The following SLC2A3 variants were observed in gnomAD, a reference collection of about 807,000 sequenced individuals.
The protein encoded by SLC2A3 is solute carrier family 2, facilitated glucose transporter member 3.
A neutral mutation model predicts 46.4 loss-of-function variants in SLC2A3; 21 were observed. That is an observed-to-expected ratio of 0.45 (90% CI 0.32 to 0.65). SLC2A3 has a LOEUF of 0.65. SLC2A3 is among the 30% of genes least tolerant of loss of function. SLC2A3 has a pLI of 0.04. For synonymous variants in SLC2A3, 213 were observed against 239.4 expected (o/e 0.89, Z 1.02); for missense variants, 499 against 623.3 (o/e 0.80, Z 2.12).
chr12:7,925,742 C>T, intron 7 of SLC2A3, 102 bp downstream of exon 7: 2 of 933,932 alleles, frequency 2.1e-6, no homozygotes, highest in Non-Finnish European at 3.4e-6. Context: ...AATTAAGCAA[C>T]AAAAAGGTAA....
At chr12:7,925,334 C>A (rs1946083256) in intron 7 of SLC2A3, 1 of 152,866 alleles carries the variant, frequency 6.5e-6, no homozygotes, top group African/African-American at 2.4e-5. Context: ...GTAAAACAAC[C>A]TGGAGCTTGT....
chr12:7,930,287 C>T, intron 5 of SLC2A3, 193 bp downstream of exon 5: 1 of 608,210 alleles, frequency 1.6e-6, no homozygotes, highest in Non-Finnish European at 2.8e-6. Flanking sequence ...TGCCTGATAG[C>T]ATCCATTCCT....
Position 7,932,760 on chromosome 12 carries a change from C to T in SLC2A3, c.269+227G>A, listed in dbSNP as rs903658545. The T allele has an allele frequency of 1.3e-5, 7 of 545,826 alleles. No individual in the cohort carries two copies. The Admixed American group carries it at 1.9e-4, about 15-fold the overall frequency. The allele number at this position is 545,826 out of a possible 1,614,324, so 33.8% of individuals were successfully genotyped here. On this transcript the variant is annotated intron_variant, in intron 3 of 9. Coordinates refer to ENST00000075120, the MANE Select transcript of SLC2A3 (RefSeq NM_006931.3). Reference sequence around the variant, plus strand: ...ACTATCCCTAGCTGGACTGCAAAGGCCAATCACTCACAGTTCATCTCTTGC... The same window carrying T: ...ACTATCCCTAGCTGGACTGCAAAGGTCAATCACTCACAGTTCATCTCTTGC...
At chr12:7,933,621 CACTA>C (rs1479340351) in intron 2 of SLC2A3, 185 bp downstream of exon 2, 5 of 592,518 alleles carry the variant, frequency 8.4e-6, no homozygotes, top group East Asian at 2.9e-5. Context: ...GAGGGACCCT[CACTA>C]ACTGTGTTGC....
chr12:7,923,195 G>T (rs1946057001), intron 8 of SLC2A3, 171 bp from the exon 9 acceptor site: 1 of 685,936 alleles, frequency 1.5e-6, no homozygotes, highest in South Asian at 2.1e-5. Flanking sequence ...TTGAGACAGG[G>T]TCTTACTCTG....
chr12:7,929,615 C>T (rs1038132333), intron 6 of SLC2A3, 69 bp downstream of exon 6: 5 of 1,572,440 alleles, frequency 3.2e-6, no homozygotes, highest in African/African-American at 2.7e-5. Flanking sequence ...CAGAGGCACA[C>T]CGCCACCATG....
rs1696213119 is a variant in SLC2A3 at position 7,925,748 on chromosome 12, G to A, written c.966+96C>T. On this transcript the variant is annotated intron_variant, in intron 7 of 9. Coordinates refer to ENST00000075120, the MANE Select transcript of SLC2A3 (RefSeq NM_006931.3). Reference sequence around the variant, plus strand: ...CCAAAGGAAAATTAAGCAACAAAAAGGTAACTAAATGATGGTAGGGTCATG... The same window carrying A: ...CCAAAGGAAAATTAAGCAACAAAAAAGTAACTAAATGATGGTAGGGTCATG... 4 of 956,382 alleles carry A rather than the reference G, an allele frequency of 4.2e-6. No individual in the cohort carries two copies. The South Asian group carries it at 4.2e-5, about 10-fold the overall frequency. 59.2% of individuals were successfully genotyped at this position (956,382 alleles called of 1,614,324 possible).
chr12:7,926,368 G>A (rs1027716800), intron 6 of SLC2A3, among the ~76,000 whole-genome samples: 4 of 152,118 alleles, frequency 2.6e-5, no homozygotes, highest in African/African-American at 7.2e-5. Flanking sequence ...TAGGATTACA[G>A]GCATGAGCCA....
intron 3 of SLC2A3, chr12:7,932,599 A>G (rs1946168163): frequency 5.7e-6 from 1 of 174,936 alleles, no homozygotes; most frequent in Non-Finnish European, 1.2e-5. Context: ...CACATTTGCC[A>G]TAGACAAAAA....
At chr12:7,925,708 A>G in intron 7 of SLC2A3, 136 bp downstream of exon 7, 1 of 699,854 alleles carries the variant, frequency 1.4e-6, no homozygotes, top group Non-Finnish European at 2.5e-6. Flanking sequence ...CCAACATTAA[A>G]TTTATCTCTT....
intron 8 of SLC2A3, among the ~76,000 whole-genome samples, chr12:7,923,649 A>C (rs1011908056): frequency 2.6e-5 from 4 of 151,906 alleles, no homozygotes; most frequent in Admixed American, 1.3e-4. Flanking sequence ...TTGTAGAGAA[A>C]GTTTCTTGCC....
At chr12:7,932,670 G>A (rs952192838) in intron 3 of SLC2A3, 3 of 267,170 alleles carry the variant, frequency 1.1e-5, no homozygotes, top group Non-Finnish European at 2.1e-5. Flanking sequence ...AAACAACTTC[G>A]GACCTTGTAA....
At chr12:7,935,888 AGAC>A (rs924029478) in intron 1 of SLC2A3, 129 bp downstream of exon 1, 3 of 779,488 alleles carry the variant, frequency 3.8e-6, no homozygotes, top group Non-Finnish European at 4.6e-6. Flanking sequence ...TGCAGGCTAG[AGAC>A]GAAATGAAAA....
rs1421712644 is a variant in SLC2A3, at chr12:7,920,545, CA to C, written c.*867del. On this transcript the variant is annotated 3_prime_UTR_variant, in exon 10 of 10. Coordinates refer to ENST00000075120, the MANE Select transcript of SLC2A3 (RefSeq NM_006931.3). ...ACTATTATCTTAAAGAAAAAAGCTC[CA>C]AAGGAAATCAGTAGCTTTATTATAT... is the stretch of plus-strand genomic sequence containing the variant. The C allele has an allele frequency of 3.9e-5, 6 of 152,024 alleles. No homozygotes were observed. The highest frequency in any genetic ancestry group is 1.5e-4 in the African/African-American group (6 of 41,366). The allele number at this position is 152,024 out of a possible 1,614,324, so 9.4% of individuals were successfully genotyped here.
In SLC2A3 at chr12:7,919,668, C is replaced by T. The variant is rs1946015988; in HGVS notation, c.*1745G>A. 6.6e-6 allele frequency: 1 copy of T among 152,276 alleles called. No individual in the cohort carries two copies. The highest frequency in any genetic ancestry group is 2.1e-4 in the South Asian group (1 of 4,826). The allele number at this position is 152,276 out of a possible 1,614,324, so 9.4% of individuals were successfully genotyped here. ...AACCCCTGACCGCCCGCCTAGGCCT[C>T]CCAAAGTGCTGGGATTACAGGCGTG... On this transcript the variant is annotated 3_prime_UTR_variant, in exon 10 of 10. Transcript: ENST00000075120.
intron 9 of SLC2A3, 21 bp from the exon 10 acceptor site, chr12:7,921,652 A>G (rs1946037861): frequency 6.2e-7 from 1 of 1,602,974 alleles, no homozygotes; most frequent in Non-Finnish European, 8.5e-7. Context: ...GACAGAAAAA[A>G]GGAAGGTTGA....
intron 8 of SLC2A3, among the ~76,000 whole-genome samples, chr12:7,924,136 CATCTATT>C (rs1247375322): frequency 6.6e-6 from 1 of 152,078 alleles, no homozygotes; most frequent in East Asian, 1.9e-4. Flanking sequence ...ACCATGTCAT[CATCTATT>C]AAGTGTGATT....
At position 7,925,916 on chromosome 12, in the gene SLC2A3, A is replaced by G. The variant is rs145871604; in HGVS notation, c.894T>C (p.Asp298=). The G allele has an allele frequency of 6.2e-7, 1 of 1,613,702 alleles. No individual in the cohort carries two copies. Among genetic ancestry groups the G allele is most frequent in the Non-Finnish European group, 8.5e-7 (1 of 1,179,792 alleles). The change falls in exon 7 of 10, where the codon GAT becomes GAC. Residue 298 remains aspartate (D), a synonymous_variant. Coordinates refer to ENST00000075120, the MANE Select transcript of SLC2A3 (RefSeq NM_006931.3). ...CATAGATGGGCTCTTGAACACCTGCATCCTTGAAGATTCCTGTTGAGTAAT... is the reference window on the plus strand; with the variant it reads ...CATAGATGGGCTCTTGAACACCTGCGTCCTTGAAGATTCCTGTTGAGTAAT... The part of the protein sequence containing the change: ...VFYYSTGIFK[D]AGVQEPIYAT...
In SLC2A3 at chr12:7,928,616, T is replaced by C. The variant is rs939845669; in HGVS notation, c.861+1068A>G. Among the ~76,000 whole-genome samples, 7 of 152,026 alleles carry C rather than the reference T, an allele frequency of 4.6e-5. 1 individual carries two copies. Among genetic ancestry groups the C allele is most frequent in the Admixed American group, 3.3e-4 (5 of 15,252 alleles). ...AGGCACAGAACTAACGCAAGGTACA[T>C]TCTTTAAAGAGGTGCTCATTCTCAG... On this transcript the variant is annotated intron_variant, in intron 6 of 9. Coordinates refer to ENST00000075120, the MANE Select transcript of SLC2A3 (RefSeq NM_006931.3).
Sources: allele counts gnomAD v4.1 joint callset (sites outside exome capture counted in the v4.1 genomes callset), GRCh38; gene constraint gnomAD v4.1.1; transcripts MANE v1.5; gene names NCBI Gene and HGNC (gene_info 2026-07-23, HGNC 2026-07-21).